SNTG1: variants seen among roughly 807,000 people sequenced by gnomAD.
The protein encoded by SNTG1 is syntrophin gamma 1.
A neutral mutation model predicts 74.7 loss-of-function variants in SNTG1; 39 were observed. The observed-to-expected ratio is 0.52, with a 90% CI of 0.40 to 0.68. The LOEUF (loss-of-function observed/expected upper bound fraction) is 0.68, where lower values mean the gene tolerates loss of function less well. Among genes scored for constraint, SNTG1 ranks in the 30% least tolerant of loss-of-function variants. SNTG1 has a pLI of 0.00. For missense variants in SNTG1, 685 were observed against 609.5 expected (o/e 1.12, Z -1.30); for synonymous variants, 254 against 217.1 (o/e 1.17, Z -1.49).
Position 50,122,747 on chromosome 8 carries a change from G to T in SNTG1, c.-102-49814G>T, listed in dbSNP as rs989457393. On this transcript the variant is annotated intron_variant, in intron 1 of 18. Transcript: ENST00000642720. ...AATAACTGATGATGAGTTGAAGGAG[G>T]ATAGGAGTAGCACAGAGAAGAAATT... 1.5e-4 allele frequency among the ~76,000 whole-genome samples: 21 copies of T among 141,208 alleles called. 4 individuals carry two copies. Among genetic ancestry groups the T allele is most frequent in the Admixed American group, 2.9e-4 (4 of 13,710 alleles). The allele number at this position is 141,208 out of a possible 152,430, so 92.6% of individuals were successfully genotyped here. A position where few individuals can be genotyped will look rare whatever the true frequency, so the allele number is the denominator to read the frequency against.
At chr8:50,670,286 G>C (rs1383391997) in intron 15 of SNTG1, among the ~76,000 whole-genome samples, 1 of 152,132 alleles carries the variant, frequency 6.6e-6, no homozygotes, top group Non-Finnish European at 1.5e-5. Context: ...TGTATATCTA[G>C]AAAACCCCAT....
chr8:50,110,414 C>T (rs543153505), intron 1 of SNTG1, among the ~76,000 whole-genome samples: 1 of 152,302 alleles, frequency 6.6e-6, no homozygotes, highest in South Asian at 2.1e-4. Flanking sequence ...TGACCATCAT[C>T]AGCCTTCCTG....
In SNTG1 at chr8:50,793,734, T is replaced by A. The variant is rs1269373319; in HGVS notation, c.*905T>A. 6.6e-6 allele frequency: 1 copy of A among 151,920 alleles called. No individual in the cohort carries two copies. Among genetic ancestry groups the A allele is most frequent in the African/African-American group, 2.4e-5 (1 of 41,398 alleles). The allele number at this position is 151,920 out of a possible 1,614,324, so 9.4% of individuals were successfully genotyped here. ...AAACAAATATGGTGTGAGAAACAAT[T>A]CTTTGTAATCCGAAGTCTACTAGTT... On this transcript the variant is annotated 3_prime_UTR_variant, in exon 19 of 19. Coordinates refer to ENST00000642720, the MANE Select transcript of SNTG1 (RefSeq NM_018967.5).
intron 1 of SNTG1, among the ~76,000 whole-genome samples, chr8:50,168,923 G>C (rs2131637524): frequency 6.6e-6 from 1 of 152,290 alleles, no homozygotes; most frequent in Admixed American, 6.5e-5. Context: ...ACAACCCACA[G>C]AGTTATTCGG....
chr8:50,266,940 C>G (rs1479726916), intron 2 of SNTG1, among the ~76,000 whole-genome samples: 1 of 151,946 alleles, frequency 6.6e-6, no homozygotes, highest in East Asian at 1.9e-4. Context: ...GGAACGTTAA[C>G]AAGATCACCA....
At chr8:50,145,438 C>A (rs1405751989) in intron 1 of SNTG1, among the ~76,000 whole-genome samples, 1 of 151,524 alleles carries the variant, frequency 6.6e-6, no homozygotes, top group South Asian at 2.1e-4. Flanking sequence ...ATTTATTATT[C>A]AAAAAAAATT....
At chr8:50,785,454 A>G (rs1305096271) in intron 18 of SNTG1, among the ~76,000 whole-genome samples, 1 of 152,042 alleles carries the variant, frequency 6.6e-6, no homozygotes, top group Non-Finnish European at 1.5e-5. Context: ...AACACCAACT[A>G]ATGAAACTGA....
At chr8:50,448,404 T>C (rs1489451126) in intron 5 of SNTG1, among the ~76,000 whole-genome samples, 1 of 152,086 alleles carries the variant, frequency 6.6e-6, no homozygotes, top group African/African-American at 2.4e-5. Context: ...AAAATGGGCA[T>C]GCAAGGGAAA....
intron 8 of SNTG1, among the ~76,000 whole-genome samples, chr8:50,465,844 G>T (rs75024976): frequency 0.079 from 12,006 of 152,132 alleles, 584 homozygotes; most frequent in South Asian, 0.18. Flanking sequence ...CCATTCACCT[G>T]TTGAAGGGCA....
chr8:50,447,553 A>T (rs961856037), intron 5 of SNTG1, among the ~76,000 whole-genome samples: 2 of 152,140 alleles, frequency 1.3e-5, no homozygotes, highest in African/African-American at 4.8e-5. Context: ...GCTATCAGTG[A>T]CCTTACGCTG....
At chr8:50,545,668 C>T (rs1441812256) in intron 11 of SNTG1, among the ~76,000 whole-genome samples, 1 of 151,836 alleles carries the variant, frequency 6.6e-6, no homozygotes, top group East Asian at 1.9e-4. Context: ...GCTTTTTAAA[C>T]ACTATGAAAA....
chr8:50,743,508 T>C (rs180837497), intron 17 of SNTG1, among the ~76,000 whole-genome samples: 1 of 152,012 alleles, frequency 6.6e-6, no homozygotes, highest in East Asian at 1.9e-4. Context: ...ATTTGAAATA[T>C]GAAAAACGAC....
At chr8:50,461,230 C>T (rs1209902350) in intron 8 of SNTG1, among the ~76,000 whole-genome samples, 1 of 139,998 alleles carries the variant, frequency 7.1e-6, no homozygotes, top group African/African-American at 2.6e-5. Flanking sequence ...ATGTGGTTTT[C>T]CAGAGGAAGA....
chr8:50,487,699 G>GGA (rs1554544248), intron 8 of SNTG1, among the ~76,000 whole-genome samples: 1,724 of 135,486 alleles, frequency 0.013, 42 homozygotes, highest in African/African-American at 0.041. Flanking sequence ...GGGTCGGAGG[G>GGA]GGGGGAGGGA....
upstream of SNTG1, chr8:49,911,119 C>T (rs1362024886): frequency 6.6e-6 from 1 of 152,156 alleles, no homozygotes; most frequent in Non-Finnish European, 1.5e-5. Context: ...TAACAATAAC[C>T]TATCGTTTCC....
intron 13 of SNTG1, among the ~76,000 whole-genome samples, chr8:50,628,648 T>C (rs1481840788): frequency 6.6e-6 from 1 of 152,216 alleles, no homozygotes; most frequent in East Asian, 1.9e-4. Context: ...ATTTATAAAC[T>C]TTTGTTTCTG....
intron 8 of SNTG1, among the ~76,000 whole-genome samples, chr8:50,482,601 T>C (rs1043003950): frequency 1.3e-5 from 2 of 152,198 alleles, no homozygotes; most frequent in African/African-American, 4.8e-5. Context: ...CTACAGATTA[T>C]AAAAATCAGC....
intron 1 of SNTG1, among the ~76,000 whole-genome samples, chr8:50,137,957 G>T (rs2081529727): frequency 6.6e-6 from 1 of 152,148 alleles, no homozygotes. Context: ...TAGTCTCTGT[G>T]TCCTGAGTCC....
At chr8:50,539,309 GTTGTTC>G (rs1006816734) in intron 11 of SNTG1, among the ~76,000 whole-genome samples, 2 of 152,082 alleles carry the variant, frequency 1.3e-5, no homozygotes, top group African/African-American at 4.8e-5. Flanking sequence ...TGTTGTTGTT[GTTGTTC>G]TTGTTCTTGT....
Sources: allele counts gnomAD v4.1 joint callset (sites outside exome capture counted in the v4.1 genomes callset), GRCh38; gene constraint gnomAD v4.1.1; transcripts MANE v1.5; gene names NCBI Gene and HGNC (gene_info 2026-07-23, HGNC 2026-07-21).